Variants in PDE8A observed in about 807,000 individuals in gnomAD.
The protein encoded by PDE8A is phosphodiesterase 8A.
In PDE8A, 59 loss-of-function variants were observed where a neutral mutation model predicts 105.0. The observed-to-expected ratio is 0.56, with a 90% CI of 0.46 to 0.70. The LOEUF (loss-of-function observed/expected upper bound fraction) is 0.70. PDE8A is among the 30% of genes least tolerant of loss of function. The pLI, the probability that PDE8A is intolerant of heterozygous loss-of-function variation, is 0.00. For missense variants in PDE8A, 1,014 were observed against 1,045.9 expected, an observed-to-expected ratio of 0.97 and a Z score of 0.42; for synonymous variants, 355 against 371.9, an observed-to-expected ratio of 0.95 and a Z score of 0.52.
chr15:85,135,968 C>A (rs1054862293), intron 20 of PDE8A, among the ~76,000 whole-genome samples: 1 of 152,104 alleles, frequency 6.6e-6, no homozygotes, highest in African/African-American at 2.4e-5. Context: ...TGTAAAGTGG[C>A]CCCTGTGTGG....
chr15:85,031,495 G>A (rs1246009097), intron 1 of PDE8A, among the ~76,000 whole-genome samples: 1 of 151,972 alleles, frequency 6.6e-6, no homozygotes, highest in Non-Finnish European at 1.5e-5. Flanking sequence ...CCTGATTCTT[G>A]CCTTTTCTGA....
chr15:85,039,022 G>C (rs891830886), intron 1 of PDE8A, among the ~76,000 whole-genome samples: 1 of 152,052 alleles, frequency 6.6e-6, no homozygotes, highest in African/African-American at 2.4e-5. Context: ...TTGGGAGGCT[G>C]AGGCAGGAGA....
intron 20 of PDE8A, among the ~76,000 whole-genome samples, chr15:85,135,764 C>T (rs976801045): frequency 1.3e-5 from 2 of 152,174 alleles, no homozygotes; most frequent in Admixed American, 6.5e-5. Context: ...TTGCCTTTTT[C>T]CTCAGGTTCT....
At chr15:85,051,976 C>A (rs12592539) in intron 1 of PDE8A, among the ~76,000 whole-genome samples, 24,047 of 151,670 alleles carry the variant, frequency 0.16, 2,166 homozygotes, top group East Asian at 0.38. Flanking sequence ...TCCCCCCTCC[C>A]CACACCCCAC....
chr15:85,126,412 A>AGAGT, intron 20 of PDE8A, 38 bp downstream of exon 20: 1 of 1,435,338 alleles, frequency 7.0e-7, no homozygotes. Flanking sequence ...AGAGAGAGAG[A>AGAGT]GAGTTAAAAC....
Position 85,117,964 on chromosome 15 carries a change from G to T in PDE8A, c.1734+125G>T, listed in dbSNP as rs1952036477. 8 of 778,664 alleles carry T rather than the reference G, an allele frequency of 1.0e-5. No individual in the cohort carries two copies. The South Asian group carries it at 1.0e-4, about 10-fold the overall frequency. The allele number at this position is 778,664 out of a possible 1,614,324, so 48.2% of individuals were successfully genotyped here. A position where few individuals can be genotyped will look rare whatever the true frequency, so the allele number is the denominator to read the frequency against. ...TGCAGCCTGGCACAGGAAGGGCAAGGTCATACGAGGAATCAGGCAGGAGGC... is the reference window on the plus strand; with the variant it reads ...TGCAGCCTGGCACAGGAAGGGCAAGTTCATACGAGGAATCAGGCAGGAGGC... On this transcript the variant is annotated intron_variant, in intron 17 of 21. Transcript: ENST00000394553.
chr15:85,091,529 C>A (rs905584530), intron 8 of PDE8A, among the ~76,000 whole-genome samples: 11 of 152,178 alleles, frequency 7.2e-5, no homozygotes, highest in African/African-American at 2.7e-4. Context: ...GCAACACATT[C>A]TCAGAAAACA....
intron 1 of PDE8A, 85 bp downstream of exon 1, chr15:84,982,433 C>T (rs1015246559): frequency 1.8e-5 from 15 of 856,644 alleles, no homozygotes; most frequent in African/African-American, 1.2e-4. Flanking sequence ...GGGCGGGGTC[C>T]CCCCCACCCG....
In PDE8A at chr15:84,982,192, C is replaced by G; in HGVS notation, c.30C>G (p.Ser10=). 3 of 1,484,000 alleles carry G rather than the reference C, an allele frequency of 2.0e-6. No homozygotes were observed. The highest frequency in any genetic ancestry group is 2.7e-6 in the Non-Finnish European group (3 of 1,126,994). The allele number at this position is 1,484,000 out of a possible 1,614,324, so 91.9% of individuals were successfully genotyped here. A position where few individuals can be genotyped will look rare whatever the true frequency, so the allele number is the denominator to read the frequency against. The change falls in exon 1 of 22, where the codon TCC becomes TCG. Residue 10 remains serine (S), a synonymous_variant. Transcript: ENST00000394553. Reference sequence around the variant, plus strand: ...GCTGTGCCCCGAGCATCCACATTTCCGAGCGCCTGGTGGCCGAGGACGCGC... The same window carrying G: ...GCTGTGCCCCGAGCATCCACATTTCGGAGCGCCTGGTGGCCGAGGACGCGC... MGCAPSIHI[S]ERLVAEDAPS... is the part of the protein sequence containing the mutation.
chr15:85,102,330 G>C (rs2081876345), intron 11 of PDE8A, among the ~76,000 whole-genome samples: 1 of 152,174 alleles, frequency 6.6e-6, no homozygotes, highest in Non-Finnish European at 1.5e-5. Flanking sequence ...TGGAGCCAGA[G>C]ATGGATAAAA....
intron 6 of PDE8A, among the ~76,000 whole-genome samples, chr15:85,088,136 A>G (rs2081583999): frequency 6.6e-6 from 1 of 152,148 alleles, no homozygotes. Context: ...CTCCTGCCTC[A>G]GGTTCCTGAA....
At chr15:85,097,469 C>T (rs2081775747) in intron 8 of PDE8A, among the ~76,000 whole-genome samples, 1 of 151,828 alleles carries the variant, frequency 6.6e-6, no homozygotes, top group Non-Finnish European at 1.5e-5. Context: ...ACCCTATATA[C>T]AGGGGGTGAA....
rs1188968885 is a variant in PDE8A, at chr15:85,111,263, T to G, written c.1115-2114T>G. 2.0e-5 allele frequency among the ~76,000 whole-genome samples: 3 copies of G among 152,232 alleles called. No homozygotes were observed. In the East Asian group the frequency reaches 5.8e-4, roughly 29 times the overall value. The stretch of plus-strand genomic sequence containing the variant: ...TCAGGTTTTCTATTATTACTTGCGC[T>G]TTTTATGTCCTATTTAAGAAATCGT... On this transcript the variant is annotated intron_variant, in intron 12 of 21. Coordinates refer to ENST00000394553, the MANE Select transcript of PDE8A (RefSeq NM_002605.3).
chr15:85,130,854 G>T (rs923014244), intron 20 of PDE8A, among the ~76,000 whole-genome samples: 2 of 152,144 alleles, frequency 1.3e-5, no homozygotes, highest in Non-Finnish European at 2.9e-5. Context: ...CTGCCTCCCA[G>T]GTTCAAGCAA....
intron 1 of PDE8A, among the ~76,000 whole-genome samples, chr15:85,012,462 A>G (rs1596441711): frequency 1.4e-5 from 2 of 148,118 alleles, no homozygotes; most frequent in African/African-American, 2.5e-5. Flanking sequence ...AAAACCAAAC[A>G]CCGCATGTTC....
intron 1 of PDE8A, among the ~76,000 whole-genome samples, chr15:85,050,101 TC>T (rs2080949280): frequency 6.6e-6 from 1 of 152,198 alleles, no homozygotes; most frequent in Admixed American, 6.5e-5. Flanking sequence ...ATTGGCCCTT[TC>T]TTTTATTAAT....
chr15:85,133,555 G>A (rs1402625334), intron 20 of PDE8A, among the ~76,000 whole-genome samples: 1 of 152,042 alleles, frequency 6.6e-6, no homozygotes, highest in East Asian at 1.9e-4. Context: ...TTCTTGAGTG[G>A]GCATTCACTT....
At chr15:85,119,694 C>T (rs16974896) in intron 17 of PDE8A, among the ~76,000 whole-genome samples, 24,161 of 151,676 alleles carry the variant, frequency 0.16, 2,180 homozygotes, top group East Asian at 0.38. Flanking sequence ...CTAACCACAA[C>T]ACAACAAAAT....
chr15:85,123,142 C>T lies in PDE8A; in HGVS notation c.2034C>T (p.Asn678=), dbSNP rs1475249125. 12 of 1,613,824 alleles carry T rather than the reference C, an allele frequency of 7.4e-6. No homozygotes were observed. Among genetic ancestry groups the T allele is most frequent in the Admixed American group, 3.3e-5 (2 of 59,984 alleles). The part of the protein sequence containing the change: ...TEMTKHFEHV[N]KFVNSINKPL... ...TGACAAAGCACTTTGAGCATGTCAA[C>T]AAATTTGTCAACAGCATCAACAAAC... The change falls in exon 19 of 22, where the codon AAC becomes AAT. Residue 678 remains asparagine (N), a synonymous_variant. Coordinates refer to ENST00000394553, the MANE Select transcript of PDE8A (RefSeq NM_002605.3).
Sources: gnomAD v4.1 joint callset for allele counts (sites outside exome capture counted in the v4.1 genomes callset) on GRCh38, gnomAD v4.1.1 for gene constraint, MANE v1.5 for transcripts, NCBI Gene and HGNC (gene_info 2026-07-23, HGNC 2026-07-21) for gene names.